LRP1B: variants seen among roughly 807,000 people sequenced by gnomAD.
LRP1B encodes LDL receptor related protein 1B, also known as low-density lipoprotein receptor-related protein 1B.
In LRP1B, 217 loss-of-function variants were observed where a neutral mutation model predicts 556.6. The observed-to-expected ratio is 0.39, with a 90% confidence interval of 0.35 to 0.44. The LOEUF (loss-of-function observed/expected upper bound fraction) is 0.44, where lower values mean the gene tolerates loss of function less well. Among genes scored for constraint, LRP1B ranks in the 20% least tolerant of loss-of-function variants. LRP1B has a pLI of 1.00. For synonymous variants in LRP1B, 2,047 were observed against 1,865.8 expected, an observed-to-expected ratio of 1.10 and a Z score of -2.50; for missense variants, 5,053 against 5,620.8, an observed-to-expected ratio of 0.90 and a Z score of 3.23.
Position 140,702,244 on chromosome 2 carries a change from T to G in LRP1B, c.6199A>C (p.Ile2067Leu). The G allele has an allele frequency of 6.2e-7, 1 of 1,613,798 alleles. No individual in the cohort carries two copies. Among genetic ancestry groups the G allele is most frequent in the Non-Finnish European group, 8.5e-7 (1 of 1,179,772 alleles). ...CGATTCCCTCCAGTCTCAAGGTCGA[T>G]TCTCTCTATCTTGTCTGTGCGAGCA... The part of the protein sequence containing the change: ...CDARTDKIER[I>L]DLETGGNREM... Residue 2067 changes from isoleucine (I) to leucine (L), a missense_variant, in exon 39 of 91, where the codon ATC (isoleucine) becomes CTC (leucine). Ile to Leu is a conservative substitution (Grantham distance 5). Coordinates refer to ENST00000389484, the MANE Select transcript of LRP1B (RefSeq NM_018557.3).
chr2:141,066,862 A>G (rs1450632225), intron 7 of LRP1B, among the ~76,000 whole-genome samples: 1 of 151,958 alleles, frequency 6.6e-6, no homozygotes, highest in East Asian at 1.9e-4. Context: ...GGGACTAGCT[A>G]AGAGGGGAGT....
At position 140,850,272 on chromosome 2, in the gene LRP1B, T is replaced by C. The variant is rs759668695; in HGVS notation, c.4769A>G (p.Asp1590Gly). 2.2e-5 allele frequency: 35 copies of C among 1,613,660 alleles called. No individual in the cohort carries two copies. The highest frequency in any genetic ancestry group is 1.2e-4 in the Admixed American group (7 of 60,002). The stretch of plus-strand genomic sequence containing the variant: ...CGTGATGAAGTTAAAGTATGGATTG[T>C]CAATATCCACTCCTCTGATTTCAGA... ...RRSEIRGVDIDNPYFNFITAF... is the reference protein window; with the variant it reads ...RRSEIRGVDIGNPYFNFITAF... The change falls in exon 29 of 91, where the codon GAC (aspartate) becomes GGC (glycine). Residue 1590 changes from aspartate to glycine, a missense_variant. Transcript: ENST00000389484.
chr2:141,021,407 G>A (rs72975043), intron 11 of LRP1B, among the ~76,000 whole-genome samples: 11,542 of 151,948 alleles, frequency 0.076, 499 homozygotes, highest in Non-Finnish European at 0.081. Flanking sequence ...CAATTTCGCT[G>A]AGCTATCTGC....
chr2:140,267,644 A>G (rs1423840422), intron 86 of LRP1B, among the ~76,000 whole-genome samples: 1 of 151,888 alleles, frequency 6.6e-6, no homozygotes, highest in Non-Finnish European at 1.5e-5. Flanking sequence ...TTTATTTCCA[A>G]ATACTTCTGA....
chr2:141,697,153 C>G (rs907833530), intron 2 of LRP1B, among the ~76,000 whole-genome samples: 1 of 151,744 alleles, frequency 6.6e-6, no homozygotes, highest in African/African-American at 2.4e-5. Context: ...GGCATTCTTT[C>G]AAAATTAGAA....
chr2:141,565,874 TAATTGAAA>T (rs1476239610), intron 2 of LRP1B, among the ~76,000 whole-genome samples: 1 of 152,168 alleles, frequency 6.6e-6, no homozygotes, highest in Non-Finnish European at 1.5e-5. Context: ...AGGTCAATCA[TAATTGAAA>T]ATATAACTAA....
intron 3 of LRP1B, among the ~76,000 whole-genome samples, chr2:141,283,438 G>A (rs1453421073): frequency 2.0e-5 from 3 of 151,932 alleles, no homozygotes; most frequent in African/African-American, 7.3e-5. Context: ...GAGGTGGGGA[G>A]GTGGTGAGGT....
intron 3 of LRP1B, among the ~76,000 whole-genome samples, chr2:141,445,566 A>G (rs1681157439): frequency 6.6e-6 from 1 of 152,208 alleles, no homozygotes. Context: ...ATTTAGTGCT[A>G]TAAATTTCCC....
chr2:140,696,503 T>G (rs1686434720), intron 41 of LRP1B, among the ~76,000 whole-genome samples: 1 of 152,212 alleles, frequency 6.6e-6, no homozygotes, highest in Non-Finnish European at 1.5e-5. Flanking sequence ...CTAACTACTC[T>G]AATTCATATG....
intron 60 of LRP1B, among the ~76,000 whole-genome samples, chr2:140,462,772 A>G (rs891535886): frequency 7.9e-5 from 12 of 152,152 alleles, no homozygotes; most frequent in Non-Finnish European, 7.3e-5. Context: ...CATCTAACAT[A>G]TATCTTCCCA....
At chr2:140,691,310 A>G (rs1426621201) in intron 41 of LRP1B, among the ~76,000 whole-genome samples, 1 of 152,064 alleles carries the variant, frequency 6.6e-6, no homozygotes, top group Non-Finnish European at 1.5e-5. Flanking sequence ...CGTCTCTACT[A>G]AAAATACAAA....
intron 41 of LRP1B, among the ~76,000 whole-genome samples, chr2:140,658,090 T>A (rs969109): frequency 0.062 from 9,497 of 152,200 alleles, 342 homozygotes; most frequent in Admixed American, 0.079. Flanking sequence ...AAAATTTAGT[T>A]TTTTATACTT....
intron 57 of LRP1B, among the ~76,000 whole-genome samples, chr2:140,488,007 C>T (rs1244490198): frequency 6.6e-6 from 1 of 151,808 alleles, no homozygotes; most frequent in East Asian, 1.9e-4. Context: ...AAATAAATAG[C>T]CAGTAACGTG....
chr2:141,594,798 G>A (rs1330801755), intron 2 of LRP1B, among the ~76,000 whole-genome samples: 1 of 152,026 alleles, frequency 6.6e-6, no homozygotes, highest in Non-Finnish European at 1.5e-5. Context: ...TATTTAGATT[G>A]TTTATGATAT....
chr2:141,417,951 G>A (rs1464885916), intron 3 of LRP1B, among the ~76,000 whole-genome samples: 3 of 151,918 alleles, frequency 2.0e-5, no homozygotes, highest in Non-Finnish European at 2.9e-5. Flanking sequence ...CATCATTGTG[G>A]TTTTGATTTG....
chr2:140,692,943 G>T (rs1331681639), intron 41 of LRP1B, among the ~76,000 whole-genome samples: 1 of 152,018 alleles, frequency 6.6e-6, no homozygotes, highest in Non-Finnish European at 1.5e-5. Context: ...TTGAATTTTT[G>T]AATATAGTTT....
rs775995193 is a variant in LRP1B, at chr2:140,804,648, AATTT to A, written c.5359+9005_5359+9008del. 1.4e-4 allele frequency among the ~76,000 whole-genome samples: 15 copies of A among 103,934 alleles called. 1 individual carries two copies. Among genetic ancestry groups the A allele is most frequent in the Non-Finnish European group, 1.7e-4 (9 of 52,116 alleles). The allele number at this position is 103,934 out of a possible 152,430, so 68.2% of individuals were successfully genotyped here. ...TTAAGAGTTAGTGTAGGTAAAAACT[AATTT>A]TTTTTTTTTTTTTTTTTTTTTTTTT... On this transcript the variant is annotated intron_variant, in intron 32 of 90. Transcript: ENST00000389484.
intron 1 of LRP1B, among the ~76,000 whole-genome samples, chr2:141,824,563 C>CA (rs1232394174): frequency 4.6e-5 from 7 of 152,144 alleles, no homozygotes; most frequent in Non-Finnish European, 1.0e-4. Context: ...GACGGGGTTT[C>CA]ACCGTGGTCT....
chr2:140,288,347 A>T (rs985873636), intron 84 of LRP1B, among the ~76,000 whole-genome samples: 1 of 151,830 alleles, frequency 6.6e-6, no homozygotes, highest in Non-Finnish European at 1.5e-5. Flanking sequence ...AAAGGTTATC[A>T]TATTATCTAT....
Sources: gnomAD v4.1 joint callset for allele counts (sites outside exome capture counted in the v4.1 genomes callset) on GRCh38, gnomAD v4.1.1 for gene constraint, MANE v1.5 for transcripts, NCBI Gene and HGNC (gene_info 2026-07-23, HGNC 2026-07-21) for gene names.